The following TTBK1 variants were observed in gnomAD, a reference collection of about 807,000 sequenced individuals.
The protein encoded by TTBK1 is tau-tubulin kinase 1.
Under a neutral mutation model 108.5 loss-of-function variants are expected in TTBK1, and 34 were observed. The observed-to-expected ratio is 0.31, with a 90% CI of 0.24 to 0.42. TTBK1 has a LOEUF of 0.42. TTBK1 is among the 10% of genes least tolerant of loss of function. The probability of loss-of-function intolerance (pLI) is 1.00; values close to 1 mark genes in which losing one functional copy is unlikely to be tolerated. For missense variants in TTBK1, 1,539 were observed against 1,826.0 expected, an observed-to-expected ratio of 0.84 and a Z score of 2.86; for synonymous variants, 809 against 795.1, an observed-to-expected ratio of 1.02 and a Z score of -0.29.
chr6:43,259,225 G>A lies in TTBK1; in HGVS notation c.1204G>A (p.Glu402Lys). The change falls in exon 11 of 15, where the codon GAG becomes AAG. Residue 402 changes from glutamate to lysine, a missense_variant. This residue lies in a region of TTBK1 where 277 missense variants were observed against 332.4 expected (regional missense o/e 0.83). Coordinates refer to ENST00000259750, the MANE Select transcript of TTBK1 (RefSeq NM_032538.3). The surrounding 1 kb of genome is among the most constrained non-coding windows in gnomAD (Gnocchi z 6.7). ...GGGTCCTGAGGCTGAAGTCTGGGAG[G>A]AGACAGATGTCAACCGGAACAAACT... ...PGGPEAEVWE[E>K]TDVNRNKLRI... 2.5e-6 allele frequency: 4 copies of A among 1,586,656 alleles called. No homozygotes were observed. The highest frequency in any genetic ancestry group is 3.4e-6 in the Non-Finnish European group (4 of 1,167,870).
At chr6:43,244,144 GT>G (rs1777028175) in intron 1 of TTBK1, among the ~76,000 whole-genome samples, 3 of 151,926 alleles carry the variant, frequency 2.0e-5, no homozygotes, top group African/African-American at 7.3e-5. Flanking sequence ...TTCCTTGCCT[GT>G]CATCATTATC....
At chr6:43,284,849 T>C (rs1478948978) in intron 14 of TTBK1, 134 bp from the exon 15 acceptor site, 105 of 1,348,036 alleles carry the variant, frequency 7.8e-5, no homozygotes, top group Non-Finnish European at 2.2e-5. Context: ...AGTTTACCCA[T>C]CTGTGCCATG....
intron 13 of TTBK1, among the ~76,000 whole-genome samples, chr6:43,277,374 GGA>G (rs1041332976): frequency 6.6e-6 from 1 of 152,086 alleles, no homozygotes; most frequent in Non-Finnish European, 1.5e-5. Flanking sequence ...TTCTGAGACT[GGA>G]GAGAGAGGGG....
intron 13 of TTBK1, among the ~76,000 whole-genome samples, chr6:43,266,425 G>A (rs894727952): frequency 3.3e-5 from 5 of 152,322 alleles, no homozygotes; most frequent in Middle Eastern, 3.4e-3. Flanking sequence ...ATGTTTACAT[G>A]TATATTCTTC....
intron 13 of TTBK1, chr6:43,270,084 C>T (rs1777787175): frequency 2.1e-6 from 3 of 1,406,668 alleles, no homozygotes; most frequent in Admixed American, 3.1e-5. Flanking sequence ...AATACAGCCC[C>T]CCTAGAACGT....
intron 7 of TTBK1, 87 bp from the exon 8 acceptor site, chr6:43,255,465 T>A: frequency 7.8e-7 from 1 of 1,283,580 alleles, no homozygotes; most frequent in East Asian, 2.5e-5. Flanking sequence ...CAGGCCTCCC[T>A]GACAGATGCC....
At chr6:43,262,689 C>T in intron 12 of TTBK1, 100 bp from the exon 13 acceptor site, 2 of 1,233,474 alleles carry the variant, frequency 1.6e-6, no homozygotes, top group Non-Finnish European at 2.2e-6. Flanking sequence ...GTACTGCGGT[C>T]AGGAGGTTTT....
chr6:43,283,990 C>G lies in TTBK1; in HGVS notation c.3250C>G (p.Arg1084Gly), dbSNP rs200236982. 3 of 1,605,302 alleles carry G rather than the reference C, an allele frequency of 1.9e-6. No homozygotes were observed. The highest frequency in any genetic ancestry group is 1.7e-5 in the Admixed American group (1 of 59,334). ...CAAAGAGCGGTGGAGCAAGCGGGCT[C>G]GGCCGCAGCAGGACCTGGCGCGGCT... ...SAKERWSKRA[R>G]PQQDLARLVM... Residue 1084 changes from arginine to glycine, a missense_variant, in exon 14 of 15, where the codon CGG (arginine) becomes GGG (glycine). By Grantham distance (125) the Arg-to-Gly change is moderately radical (BLOSUM62 -2). Around this residue, in one of 5 missense-constraint regions of TTBK1, gnomAD observed 1,055 missense variants for 1,086.5 expected, o/e 0.97. Transcript: ENST00000259750. This position sits in a 1 kb window ranked among gnomAD's most constrained non-coding sequence, Gnocchi z 8.1.
chr6:43,250,436 A>T lies in TTBK1; in HGVS notation c.109-2303A>T, dbSNP rs566703329. Among the ~76,000 whole-genome samples, 3 of 141,788 alleles carry T rather than the reference A, an allele frequency of 2.1e-5. No homozygotes were observed. In the South Asian group the frequency reaches 6.6e-4, roughly 31 times the overall value. 93.0% of individuals were successfully genotyped at this position (141,788 alleles called of 152,430 possible). A position where few individuals can be genotyped will look rare whatever the true frequency, so the allele number is the denominator to read the frequency against. On this transcript the variant is annotated intron_variant, in intron 2 of 14. Coordinates refer to ENST00000259750, the MANE Select transcript of TTBK1 (RefSeq NM_032538.3). ...CAATGGCGTGATCTCAGCTCACTGC[A>T]GCCTCCGCCTCCCGGGTTCAAGTGA...
rs1250773538 is a variant in TTBK1, at chr6:43,260,839, G to A, written c.1424+1133G>A. Among the ~76,000 whole-genome samples the A allele has an allele frequency of 4.6e-5, 7 of 152,014 alleles. 1 individual carries two copies. The highest frequency in any genetic ancestry group is 1.9e-4 in the East Asian group (1 of 5,192). ...GGTCTGGATGGGCTCTGGGGCACTCGGGAGCAGGAGACAGTACAAAAGCAG... is the reference window on the plus strand; with the variant it reads ...GGTCTGGATGGGCTCTGGGGCACTCAGGAGCAGGAGACAGTACAAAAGCAG... On this transcript the variant is annotated intron_variant, in intron 12 of 14. Transcript: ENST00000259750.
chr6:43,256,201 T>C (rs1208391024), intron 9 of TTBK1, among the ~76,000 whole-genome samples: 1 of 151,878 alleles, frequency 6.6e-6, no homozygotes, highest in Non-Finnish European at 1.5e-5. Flanking sequence ...AGTGGCGTGA[T>C]CTCTGTTCAC....
rs1449968261 is a variant in TTBK1, at chr6:43,254,582, C to T, written c.507C>T (p.Tyr169=). 2 of 1,583,626 alleles carry T rather than the reference C, an allele frequency of 1.3e-6. No homozygotes were observed. The highest frequency in any genetic ancestry group is 2.3e-5 in the East Asian group (1 of 42,564). ...CCATGGGCAGGCTGCCCTCCACCTA[C>T]AGGAAGTGCTATATGCTGGACTTCG... ...NFAMGRLPST[Y]RKCYMLDFGL... Residue 169 remains tyrosine, a synonymous_variant, in exon 6 of 15, where the codon TAC becomes TAT. Coordinates refer to ENST00000259750, the MANE Select transcript of TTBK1 (RefSeq NM_032538.3).
At chr6:43,262,464 G>A (rs189521755) in intron 12 of TTBK1, among the ~76,000 whole-genome samples, 1 of 152,318 alleles carries the variant, frequency 6.6e-6, no homozygotes, top group African/African-American at 2.4e-5. Context: ...CTTCCCTAGG[G>A]TGGCCCAGGA....
chr6:43,284,256 G>T lies in TTBK1; in HGVS notation c.3516G>T (p.Gln1172His). 1 of 1,594,256 alleles carries T rather than the reference G, an allele frequency of 6.3e-7. No homozygotes were observed. The highest frequency in any genetic ancestry group is 8.5e-7 in the Non-Finnish European group (1 of 1,176,466). The change falls in exon 14 of 15, where the codon CAG becomes CAT. Residue 1172 changes from glutamine (Q) to histidine (H), a missense_variant. By Grantham distance (24) the Gln-to-His change is conservative. Transcript: ENST00000259750. Reference sequence around the variant, plus strand: ...TGCCCATGCCTGTTGCAGCCCAGCAGCCCGCCAGCAGATCCCATGGCGCGG... The same window carrying T: ...TGCCCATGCCTGTTGCAGCCCAGCATCCCGCCAGCAGATCCCATGGCGCGG... ...LRMPMPVAAQ[Q>H]PASRSHGAAP... is the part of the protein sequence containing the mutation.
At chr6:43,251,203 C>G (rs776168395) in intron 2 of TTBK1, among the ~76,000 whole-genome samples, 3 of 152,196 alleles carry the variant, frequency 2.0e-5, no homozygotes, top group Non-Finnish European at 4.4e-5. Flanking sequence ...GGTCTTCCTC[C>G]CTCCATCCCG....
chr6:43,283,874 A>G lies in TTBK1; in HGVS notation c.3134A>G (p.His1045Arg). The change falls in exon 14 of 15, where the codon CAT becomes CGT. Residue 1045 changes from histidine (H) to arginine (R), a missense_variant. This residue lies in a region of TTBK1 where 1,055 missense variants were observed against 1,086.5 expected (regional missense o/e 0.97). Coordinates refer to ENST00000259750, the MANE Select transcript of TTBK1 (RefSeq NM_032538.3). This position sits in a 1 kb window ranked among gnomAD's most constrained non-coding sequence, Gnocchi z 8.1. ...EKVATISPRR[H>R]AMPGSRPRSR... ...GTGGCCACCATCTCCCCCAGACGCC[A>G]TGCTATGCCAGGCTCTCGCCCCAGG... is the stretch of plus-strand genomic sequence containing the variant. 6.2e-7 allele frequency: 1 copy of G among 1,610,866 alleles called. No individual in the cohort carries two copies. Among genetic ancestry groups the G allele is most frequent in the Non-Finnish European group, 8.5e-7 (1 of 1,177,902 alleles).
At chr6:43,258,933 C>G (rs1270267474) in intron 10 of TTBK1, 105 bp from the exon 11 acceptor site, 5 of 774,632 alleles carry the variant, frequency 6.5e-6, no homozygotes, top group African/African-American at 1.8e-5. Context: ...TGCCTCTGTG[C>G]CCGCTCCTGG....
chr6:43,268,282 G>A (rs1777734715), intron 13 of TTBK1, among the ~76,000 whole-genome samples: 1 of 152,196 alleles, frequency 6.6e-6, no homozygotes, highest in South Asian at 2.1e-4. Flanking sequence ...TCTGTCCCTT[G>A]GCCTCTCTGG....
chr6:43,270,748 AG>A, intron 13 of TTBK1: 1 of 985,452 alleles, frequency 1.0e-6, no homozygotes, highest in African/African-American at 1.7e-5. Flanking sequence ...CCACCTCCCA[AG>A]GCAGGCTGGA....
Sources: gnomAD v4.1 joint callset for allele counts (sites outside exome capture counted in the v4.1 genomes callset) on GRCh38, gnomAD v4.1.1 for gene constraint, gnomAD v4.1.1 regional missense constraint, Gnocchi (gnomAD v3.1) non-coding constraint, MANE v1.5 for transcripts, NCBI Gene and HGNC (gene_info 2026-07-23, HGNC 2026-07-21) for gene names.